Variants in MARCHF6 observed in about 807,000 individuals in gnomAD.
MARCHF6 encodes the protein E3 ubiquitin-protein ligase MARCHF6.
In MARCHF6, 31 loss-of-function variants were observed where a neutral mutation model predicts 133.7. That is an observed-to-expected ratio of 0.23 (90% CI 0.17 to 0.31). MARCHF6 has a LOEUF of 0.31. MARCHF6 is among the 10% of genes least tolerant of loss of function. The probability of loss-of-function intolerance (pLI) is 1.00; values close to 1 mark genes in which losing one functional copy is unlikely to be tolerated. For missense variants in MARCHF6, 723 were observed against 1,121.6 expected (o/e 0.64, Z 5.08); for synonymous variants, 395 against 402.5 (o/e 0.98, Z 0.22).
At chr5:10,415,737 A>AT in intron 21 of MARCHF6, 68 bp downstream of exon 21, 2 of 1,408,750 alleles carry the variant, frequency 1.4e-6, no homozygotes, top group Non-Finnish European at 1.9e-6. Context: ...AGTCATCTTA[A>AT]ATTTTTTTTT....
intron 1 of MARCHF6, among the ~76,000 whole-genome samples, chr5:10,366,310 TA>T (rs1281497558): frequency 2.0e-5 from 3 of 152,348 alleles, no homozygotes; most frequent in Non-Finnish European, 4.4e-5. Flanking sequence ...TTGGGCTATA[TA>T]GGTTATCTGC....
chr5:10,379,143 A>C (rs979978067), intron 3 of MARCHF6, among the ~76,000 whole-genome samples: 1 of 152,128 alleles, frequency 6.6e-6, no homozygotes, highest in Admixed American at 6.5e-5. Flanking sequence ...ACAAGTCCAC[A>C]TGAACCCATC....
intron 24 of MARCHF6, 36 bp downstream of exon 24, chr5:10,426,558 CT>C (rs1434798124): frequency 1.2e-6 from 2 of 1,608,122 alleles, no homozygotes; most frequent in South Asian, 2.2e-5. Context: ...TGAAGGAGCA[CT>C]TTTATTAACA....
At chr5:10,357,357 T>G (rs540589997) in intron 1 of MARCHF6, among the ~76,000 whole-genome samples, 4 of 151,800 alleles carry the variant, frequency 2.6e-5, no homozygotes, top group Non-Finnish European at 5.9e-5. Context: ...GCTGAGGTTT[T>G]TTTTTTTTTC....
At chr5:10,416,059 A>G (rs1385129274) in intron 21 of MARCHF6, among the ~76,000 whole-genome samples, 1 of 151,424 alleles carries the variant, frequency 6.6e-6, no homozygotes, top group African/African-American at 2.5e-5. Context: ...ATTTAGTAGC[A>G]TGTTTTTCTT....
intron 1 of MARCHF6, among the ~76,000 whole-genome samples, chr5:10,361,274 TC>T (rs1333631511): frequency 6.6e-6 from 1 of 152,216 alleles, no homozygotes; most frequent in African/African-American, 2.4e-5. Context: ...GATAAGTAGT[TC>T]AGTTTTAGAT....
chr5:10,365,355 C>T (rs1327011894), intron 1 of MARCHF6, among the ~76,000 whole-genome samples: 1 of 152,010 alleles, frequency 6.6e-6, no homozygotes, highest in Admixed American at 6.5e-5. Flanking sequence ...GGCTGGAGTA[C>T]AATGGCACGA....
chr5:10,415,650 T>C lies in MARCHF6; in HGVS notation c.2129T>C (p.Val710Ala). 6.2e-7 allele frequency: 1 copy of C among 1,614,104 alleles called. No individual in the cohort carries two copies. ...GGACGCAGAGTGATCTTCCAGAAGG[T>C]TAAAGAGTGGTCTCTCATGGTATGT... ...PQGRRVIFQK[V>A]KEWSLMIMKT... The change falls in exon 21 of 26, where the codon GTT (valine) becomes GCT (alanine). Residue 710 changes from valine to alanine, a missense_variant. Val to Ala is a moderately conservative substitution (Grantham distance 64). Around this residue, in one of 4 missense-constraint regions of MARCHF6, gnomAD observed 492 missense variants for 699.5 expected, o/e 0.70. Transcript: ENST00000274140.
At chr5:10,365,976 A>G (rs1316096213) in intron 1 of MARCHF6, among the ~76,000 whole-genome samples, 6 of 152,064 alleles carry the variant, frequency 3.9e-5, no homozygotes, top group Admixed American at 3.3e-4. Flanking sequence ...TCTGTTGCCC[A>G]GGCTGGAATG....
chr5:10,397,528 A>G (rs1309806266), intron 10 of MARCHF6, among the ~76,000 whole-genome samples, 184 bp downstream of exon 10: 1 of 152,142 alleles, frequency 6.6e-6, no homozygotes, highest in African/African-American at 2.4e-5. Flanking sequence ...TTTCCTAAGC[A>G]GCAGTGACTG....
rs184529762 is a variant in MARCHF6 at position 10,359,325 on chromosome 5, G to A, written c.19+5408G>A. Among the ~76,000 whole-genome samples, 159 of 152,134 alleles carry A rather than the reference G, an allele frequency of 1.0e-3. 1 individual carries two copies. The highest frequency in any genetic ancestry group is 3.7e-3 in the African/African-American group (155 of 41,488). ...GAATGATTTATCTTGTAAACAGACAGGTATCAATAAATATGGTACAGTGCT... is the reference window on the plus strand; with the variant it reads ...GAATGATTTATCTTGTAAACAGACAAGTATCAATAAATATGGTACAGTGCT... On this transcript the variant is annotated intron_variant, in intron 1 of 25. Coordinates refer to ENST00000274140, the MANE Select transcript of MARCHF6 (RefSeq NM_005885.4).
chr5:10,399,047 T>C (rs947546517), intron 10 of MARCHF6, among the ~76,000 whole-genome samples: 1 of 152,184 alleles, frequency 6.6e-6, no homozygotes, highest in Non-Finnish European at 1.5e-5. Flanking sequence ...TGAGAAATTG[T>C]CCTTAATTTC....
intron 15 of MARCHF6, among the ~76,000 whole-genome samples, chr5:10,404,480 C>T (rs1211688888): frequency 6.6e-6 from 1 of 152,194 alleles, no homozygotes; most frequent in African/African-American, 2.4e-5. Context: ...TCCCCAAATA[C>T]TGAATGGTCA....
intron 1 of MARCHF6, among the ~76,000 whole-genome samples, chr5:10,354,185 C>T (rs2126620859): frequency 6.6e-6 from 1 of 152,136 alleles, no homozygotes; most frequent in African/African-American, 2.4e-5. Flanking sequence ...TACTGCAGGC[C>T]GGCGTGGCCT....
intron 3 of MARCHF6, 117 bp from the exon 4 acceptor site, chr5:10,381,683 G>A: frequency 1.3e-6 from 1 of 759,918 alleles, no homozygotes. Context: ...TTTTAAATAG[G>A]AAAAAAATTA....
intron 22 of MARCHF6, among the ~76,000 whole-genome samples, chr5:10,419,589 C>G (rs1288342939): frequency 6.7e-6 from 1 of 148,768 alleles, no homozygotes; most frequent in Non-Finnish European, 1.5e-5. Flanking sequence ...CAAATAGTAT[C>G]TGTAATTGAA....
chr5:10,437,008 G>T lies in MARCHF6; in HGVS notation c.*3324G>T, dbSNP rs1397528566. On this transcript the variant is annotated 3_prime_UTR_variant, in exon 26 of 26. Coordinates refer to ENST00000274140, the MANE Select transcript of MARCHF6 (RefSeq NM_005885.4). ...TCCAAGATACGTCATTTCTGTATTG[G>T]CAAAATGCCACTATTAAAGTGTAAT... 3 of 152,112 alleles carry T rather than the reference G, an allele frequency of 2.0e-5. No homozygotes were observed. The highest frequency in any genetic ancestry group is 4.4e-5 in the Non-Finnish European group (3 of 68,024). 9.4% of individuals were successfully genotyped at this position (152,112 alleles called of 1,614,324 possible).
chr5:10,365,331 G>A (rs376316241), intron 1 of MARCHF6, among the ~76,000 whole-genome samples: 6 of 151,874 alleles, frequency 4.0e-5, no homozygotes, highest in African/African-American at 7.3e-5. Context: ...ACAGAGTTTC[G>A]CTCTTGTTGC....
In MARCHF6 at chr5:10,433,831, T is replaced by G; in HGVS notation, c.*147T>G. On this transcript the variant is annotated 3_prime_UTR_variant, in exon 26 of 26. Coordinates refer to ENST00000274140, the MANE Select transcript of MARCHF6 (RefSeq NM_005885.4). ...GTTCTCAGCATTCAGAGAGCAGCGG[T>G]GTAAGATTCTGCTGTTCTCCCTGGA... 1.5e-6 allele frequency: 1 copy of G among 652,324 alleles called. No homozygotes were observed. Among genetic ancestry groups the G allele is most frequent in the Non-Finnish European group, 2.7e-6 (1 of 366,700 alleles). The allele number at this position is 652,324 out of a possible 1,614,324, so 40.4% of individuals were successfully genotyped here.
Sources: allele counts gnomAD v4.1 joint callset (sites outside exome capture counted in the v4.1 genomes callset), GRCh38; gene constraint gnomAD v4.1.1; regional missense constraint gnomAD v4.1.1; transcripts MANE v1.5; gene names NCBI Gene and HGNC (gene_info 2026-07-23, HGNC 2026-07-21).